KLHL14: variants seen among roughly 807,000 people sequenced by gnomAD.
KLHL14 encodes kelch-like protein 14.
KLHL14 carries 22 observed loss-of-function variants against 64.3 expected under a neutral mutation model. The ratio of observed to expected loss-of-function variants is 0.34; its 90% confidence interval spans 0.24 to 0.49. The LOEUF is 0.49. Ranked by LOEUF, KLHL14 falls within the 20% of genes least tolerant of loss-of-function variation. KLHL14 has a pLI of 0.99. For synonymous variants in KLHL14, 322 were observed against 333.4 expected (o/e 0.97, Z 0.37); for missense variants, 661 against 789.0 (o/e 0.84, Z 1.94).
At chr18:32,685,158 A>T (rs1158375424) in intron 5 of KLHL14, among the ~76,000 whole-genome samples, 1 of 152,212 alleles carries the variant, frequency 6.6e-6, no homozygotes, top group Non-Finnish European at 1.5e-5. Context: ...AGACCATGGC[A>T]GGTCTTTTTA....
At chr18:32,760,220 C>A (rs1358624460) in intron 2 of KLHL14, among the ~76,000 whole-genome samples, 1 of 152,104 alleles carries the variant, frequency 6.6e-6, no homozygotes, top group Non-Finnish European at 1.5e-5. Context: ...CCATCCCACC[C>A]TGACCCTGAC....
At chr18:32,724,194 C>T (rs2050094365) in intron 3 of KLHL14, among the ~76,000 whole-genome samples, 1 of 152,094 alleles carries the variant, frequency 6.6e-6, no homozygotes, top group Admixed American at 6.6e-5. Context: ...TATAGCGTGA[C>T]CTTGACAGGT....
chr18:32,723,512 T>A (rs141341802), intron 3 of KLHL14, among the ~76,000 whole-genome samples: 43 of 152,336 alleles, frequency 2.8e-4, no homozygotes, highest in African/African-American at 9.9e-4. Context: ...GCTGCCTTTC[T>A]CATCTTAATG....
intron 3 of KLHL14, among the ~76,000 whole-genome samples, chr18:32,740,182 G>C (rs759012950): frequency 1.4e-4 from 21 of 152,232 alleles, no homozygotes; most frequent in Admixed American, 8.5e-4. Context: ...TTGAAGTAAG[G>C]TGACCATATG....
At chr18:32,700,140 C>T (rs1322431400) in intron 3 of KLHL14, among the ~76,000 whole-genome samples, 3 of 152,066 alleles carry the variant, frequency 2.0e-5, no homozygotes, top group East Asian at 1.9e-4. Flanking sequence ...AGAAAGTATA[C>T]GTATCCTTTG....
intron 3 of KLHL14, chr18:32,738,688 T>C (rs1297042917): frequency 6.6e-6 from 1 of 152,106 alleles, no homozygotes; most frequent in Non-Finnish European, 1.5e-5. Flanking sequence ...CAAAACAATC[T>C]TTTTGGTGAG....
chr18:32,686,775 T>C (rs2049881335), intron 5 of KLHL14, among the ~76,000 whole-genome samples: 1 of 152,166 alleles, frequency 6.6e-6, no homozygotes, highest in Admixed American at 6.5e-5. Flanking sequence ...ATATTGAGTA[T>C]TGAAATGTCT....
At chr18:32,686,873 C>T (rs990762228) in intron 5 of KLHL14, among the ~76,000 whole-genome samples, 1 of 151,942 alleles carries the variant, frequency 6.6e-6, no homozygotes, top group Non-Finnish European at 1.5e-5. Flanking sequence ...AGTGGTATAG[C>T]CAGAGAAATT....
chr18:32,723,799 T>C (rs2050091890), intron 3 of KLHL14, among the ~76,000 whole-genome samples: 1 of 152,136 alleles, frequency 6.6e-6, no homozygotes, highest in South Asian at 2.1e-4. Flanking sequence ...TTCTAAGATA[T>C]TCTTGCCTTT....
In KLHL14 at chr18:32,770,466, C is replaced by T; in HGVS notation, c.126G>A (p.Gln42=). 1 of 1,612,746 alleles carries T rather than the reference C, an allele frequency of 6.2e-7. No individual in the cohort carries two copies. Among genetic ancestry groups the T allele is most frequent in the Non-Finnish European group, 8.5e-7 (1 of 1,179,888 alleles). The change falls in exon 2 of 9, where the codon CAG becomes CAA. Residue 42 remains glutamine (Q), a synonymous_variant. Transcript: ENST00000359358. The surrounding 1 kb of genome is among the most constrained non-coding windows in gnomAD (Gnocchi z 6.7). ...GCACGGCCTTGTGGCAATGGAACTGCTGGCCCTGGGCCGTCAGGGTCACGT... is the reference window on the plus strand; with the variant it reads ...GCACGGCCTTGTGGCAATGGAACTGTTGGCCCTGGGCCGTCAGGGTCACGT... ...FCDVTLTAQG[Q]QFHCHKAVLA...
At chr18:32,687,106 T>C (rs1258294762) in intron 5 of KLHL14, 49 bp downstream of exon 5, 2 of 1,462,874 alleles carry the variant, frequency 1.4e-6, no homozygotes, top group South Asian at 2.3e-5. Context: ...CACCCATGCC[T>C]CCTGTAAAGC....
intron 3 of KLHL14, among the ~76,000 whole-genome samples, chr18:32,735,151 C>T (rs1014338198): frequency 5.9e-5 from 9 of 152,078 alleles, no homozygotes; most frequent in Non-Finnish European, 1.2e-4. Context: ...ACATTGGATC[C>T]GTTTAGATTT....
intron 2 of KLHL14, among the ~76,000 whole-genome samples, chr18:32,757,768 A>G (rs117236285): frequency 1.4e-3 from 217 of 152,356 alleles, no homozygotes; most frequent in Admixed American, 4.6e-3. Context: ...AAGTCAACAA[A>G]GCTAAAATGA....
At chr18:32,743,849 A>G (rs1470329898) in intron 2 of KLHL14, 2 of 152,234 alleles carry the variant, frequency 1.3e-5, no homozygotes, top group African/African-American at 4.8e-5. Context: ...TCCTAGATGC[A>G]TGGCCACAGA....
At chr18:32,752,457 C>T (rs1252323711) in intron 2 of KLHL14, among the ~76,000 whole-genome samples, 2 of 152,130 alleles carry the variant, frequency 1.3e-5, no homozygotes, top group Non-Finnish European at 2.9e-5. Flanking sequence ...TGCCCTAGAC[C>T]CTCCACCTTT....
intron 4 of KLHL14, among the ~76,000 whole-genome samples, chr18:32,687,990 G>T (rs1188877166): frequency 6.6e-6 from 1 of 152,202 alleles, no homozygotes; most frequent in East Asian, 1.9e-4. Flanking sequence ...AATGGGAAAT[G>T]TGAGTCCTCT....
chr18:32,732,320 T>C (rs1346924304), intron 3 of KLHL14, among the ~76,000 whole-genome samples: 2 of 152,226 alleles, frequency 1.3e-5, no homozygotes, highest in Admixed American at 6.5e-5. Flanking sequence ...GAAAGATACA[T>C]AGAACAATTG....
chr18:32,706,258 G>A (rs989811415), intron 3 of KLHL14, among the ~76,000 whole-genome samples: 2 of 152,114 alleles, frequency 1.3e-5, no homozygotes, highest in African/African-American at 4.8e-5. Context: ...CACACATAAG[G>A]GAAATTAAGG....
At chr18:32,748,519 G>A (rs555351837) in intron 2 of KLHL14, among the ~76,000 whole-genome samples, 1 of 152,036 alleles carries the variant, frequency 6.6e-6, no homozygotes, top group African/African-American at 2.4e-5. Flanking sequence ...ACAGGCGCCC[G>A]CCATCACGCC....
Sources: allele counts gnomAD v4.1 joint callset (sites outside exome capture counted in the v4.1 genomes callset), GRCh38; gene constraint gnomAD v4.1.1; non-coding constraint Gnocchi (gnomAD v3.1); transcripts MANE v1.5; gene names NCBI Gene and HGNC (gene_info 2026-07-23, HGNC 2026-07-21).